Variants in GPC5 observed in about 807,000 individuals in gnomAD.
GPC5 encodes glypican 5.
A neutral mutation model predicts 53.9 loss-of-function variants in GPC5; 47 were observed. The ratio of observed to expected loss-of-function variants is 0.87; its 90% CI spans 0.69 to 1.11. The LOEUF is 1.11. GPC5 is among the 50% of genes most tolerant of loss of function. GPC5 has a pLI of 0.00. For synonymous variants in GPC5, 286 were observed against 263.3 expected, an observed-to-expected ratio of 1.09 and a Z score of -0.84; for missense variants, 748 against 713.1, an observed-to-expected ratio of 1.05 and a Z score of -0.56.
intron 5 of GPC5, among the ~76,000 whole-genome samples, chr13:91,880,180 A>G (rs1199092033): frequency 1.3e-5 from 2 of 152,092 alleles, no homozygotes; most frequent in Non-Finnish European, 2.9e-5. Context: ...AACATTTTTA[A>G]AATTAAATTA....
chr13:92,019,293 C>T (rs1172303519), intron 6 of GPC5, among the ~76,000 whole-genome samples: 2 of 150,376 alleles, frequency 1.3e-5, no homozygotes, highest in Admixed American at 6.6e-5. Flanking sequence ...TATTTCTGAA[C>T]GTTTTACTAT....
At chr13:92,593,810 G>GT (rs1224260444) in intron 7 of GPC5, among the ~76,000 whole-genome samples, 1 of 152,152 alleles carries the variant, frequency 6.6e-6, no homozygotes, top group Non-Finnish European at 1.5e-5. Flanking sequence ...GAAATGGCAA[G>GT]TAAGACGTAA....
chr13:92,563,912 A>T (rs112773793), intron 7 of GPC5, among the ~76,000 whole-genome samples: 1 of 151,958 alleles, frequency 6.6e-6, no homozygotes, highest in Non-Finnish European at 1.5e-5. Flanking sequence ...CTCCAAAGAG[A>T]ACAGTTTGGG....
chr13:91,560,858 C>T (rs752687138), intron 2 of GPC5, among the ~76,000 whole-genome samples: 7 of 152,084 alleles, frequency 4.6e-5, no homozygotes, highest in African/African-American at 1.4e-4. Flanking sequence ...CTGACTCTTG[C>T]CCAATTTCCA....
intron 7 of GPC5, among the ~76,000 whole-genome samples, chr13:92,493,005 AC>A (rs1248923614): frequency 1.3e-5 from 2 of 152,212 alleles, no homozygotes; most frequent in African/African-American, 4.8e-5. Context: ...CAAATAAATG[AC>A]AATAAGCCTG....
chr13:91,586,000 C>T (rs887950168), intron 2 of GPC5, among the ~76,000 whole-genome samples: 1 of 136,942 alleles, frequency 7.3e-6, no homozygotes, highest in African/African-American at 2.6e-5. Context: ...TGGTGTACAA[C>T]CCCCCACCCC....
intron 7 of GPC5, among the ~76,000 whole-genome samples, chr13:92,297,987 G>A (rs975569357): frequency 2.0e-4 from 31 of 152,012 alleles, no homozygotes; most frequent in African/African-American, 6.8e-4. Flanking sequence ...CACTCACCAC[G>A]AGGGTCCGCG....
chr13:92,838,609 C>T (rs1878309682), intron 7 of GPC5, among the ~76,000 whole-genome samples: 1 of 151,738 alleles, frequency 6.6e-6, no homozygotes. Flanking sequence ...AAGATTGGAA[C>T]AGATGACCAA....
chr13:92,559,714 A>G (rs1200271642), intron 7 of GPC5, among the ~76,000 whole-genome samples: 2 of 151,592 alleles, frequency 1.3e-5, no homozygotes, highest in African/African-American at 4.8e-5. Context: ...GGAAACTCAA[A>G]TAAAGGCTTG....
At chr13:92,702,803 C>A (rs1887795717) in intron 7 of GPC5, among the ~76,000 whole-genome samples, 1 of 152,052 alleles carries the variant, frequency 6.6e-6, no homozygotes, top group African/African-American at 2.4e-5. Flanking sequence ...TAATCGGTGT[C>A]TTGCATATGT....
At chr13:92,393,585 G>C (rs1008417289) in intron 7 of GPC5, among the ~76,000 whole-genome samples, 2 of 152,190 alleles carry the variant, frequency 1.3e-5, no homozygotes, top group Non-Finnish European at 2.9e-5. Flanking sequence ...GAAGGCGGAG[G>C]TTGCAGTGAC....
intron 3 of GPC5, among the ~76,000 whole-genome samples, chr13:91,722,171 G>T (rs948950744): frequency 1.3e-5 from 2 of 152,146 alleles, no homozygotes; most frequent in African/African-American, 4.8e-5. Context: ...GAGAGAAAGA[G>T]AAAAAGGGGA....
At chr13:92,227,020 T>C (rs1314229775) in intron 7 of GPC5, among the ~76,000 whole-genome samples, 1 of 152,176 alleles carries the variant, frequency 6.6e-6, no homozygotes, top group Non-Finnish European at 1.5e-5. Flanking sequence ...TGAAAGTCAG[T>C]ACACTGAGAC....
intron 7 of GPC5, among the ~76,000 whole-genome samples, chr13:92,836,344 T>C (rs1042321590): frequency 2.6e-5 from 4 of 152,080 alleles, no homozygotes; most frequent in Non-Finnish European, 2.9e-5. Flanking sequence ...TATGCAAGAT[T>C]AGGATCCAAA....
chr13:92,530,316 T>G (rs1464943833), intron 7 of GPC5, among the ~76,000 whole-genome samples: 1 of 151,976 alleles, frequency 6.6e-6, no homozygotes, highest in Non-Finnish European at 1.5e-5. Context: ...AGGGTCAGGG[T>G]GGAGGGGAGG....
intron 7 of GPC5, among the ~76,000 whole-genome samples, chr13:92,516,605 C>T (rs1252649697): frequency 2.1e-4 from 32 of 152,130 alleles, no homozygotes; most frequent in Admixed American, 2.1e-3. Context: ...TTTCTGAGTG[C>T]CCTTTTTCAG....
At chr13:92,419,762 A>G (rs1876478971) in intron 7 of GPC5, among the ~76,000 whole-genome samples, 1 of 152,202 alleles carries the variant, frequency 6.6e-6, no homozygotes. Flanking sequence ...AGATTAATGT[A>G]TTGAGTTTAT....
At chr13:92,681,999 G>A (rs576782300) in intron 7 of GPC5, among the ~76,000 whole-genome samples, 1 of 152,268 alleles carries the variant, frequency 6.6e-6, no homozygotes, top group South Asian at 2.1e-4. Flanking sequence ...TTCCCCCACT[G>A]GCTTTGAGAA....
At chr13:92,488,547 G>T (rs1879645343) in intron 7 of GPC5, among the ~76,000 whole-genome samples, 1 of 152,136 alleles carries the variant, frequency 6.6e-6, no homozygotes, top group South Asian at 2.1e-4. Flanking sequence ...CTATCCAAAA[G>T]GAAGACATAT....
Sources: gnomAD v4.1 joint callset for allele counts (sites outside exome capture counted in the v4.1 genomes callset) on GRCh38, gnomAD v4.1.1 for gene constraint, MANE v1.5 for transcripts, NCBI Gene and HGNC (gene_info 2026-07-23, HGNC 2026-07-21) for gene names.